Variants in SENP2 observed in about 807,000 individuals in gnomAD.
SENP2 encodes sentrin-specific protease 2.
In SENP2, 16 loss-of-function variants were observed where a neutral mutation model predicts 86.3. That is an observed-to-expected ratio of 0.19 (90% CI 0.13 to 0.28). The LOEUF is 0.28. SENP2 is among the 10% of genes least tolerant of loss of function. The pLI, the probability that SENP2 is intolerant of heterozygous loss-of-function variation, is 1.00. For missense variants in SENP2, 552 were observed against 703.0 expected, an observed-to-expected ratio of 0.79 and a Z score of 2.43; for synonymous variants, 222 against 238.7, an observed-to-expected ratio of 0.93 and a Z score of 0.64.
intron 8 of SENP2, 68 bp from the exon 9 acceptor site, chr3:185,612,539 G>A: frequency 8.7e-7 from 1 of 1,153,410 alleles, no homozygotes; most frequent in Non-Finnish European, 1.3e-6. Flanking sequence ...AACTCTGTAA[G>A]CTGAAATTCT....
At chr3:185,618,369 GC>G (rs1368902256) in intron 12 of SENP2, among the ~76,000 whole-genome samples, 2 of 152,156 alleles carry the variant, frequency 1.3e-5, no homozygotes, top group Non-Finnish European at 2.9e-5. Flanking sequence ...TTTAGCAAAA[GC>G]TAACTCTTAA....
At chr3:185,610,505 A>G (rs550374075) in intron 7 of SENP2, among the ~76,000 whole-genome samples, 6 of 152,292 alleles carry the variant, frequency 3.9e-5, no homozygotes, top group African/African-American at 1.4e-4. Context: ...TTGTTTGCGA[A>G]TAATCAGTTG....
intron 5 of SENP2, among the ~76,000 whole-genome samples, chr3:185,605,913 A>T (rs1389823337): frequency 6.6e-6 from 1 of 152,208 alleles, no homozygotes; most frequent in Non-Finnish European, 1.5e-5. Flanking sequence ...TGGTGAAAGG[A>T]TGTAATCTCT....
intron 12 of SENP2, among the ~76,000 whole-genome samples, chr3:185,617,944 T>G (rs1711683138): frequency 6.6e-6 from 1 of 152,108 alleles, no homozygotes; most frequent in Non-Finnish European, 1.5e-5. Flanking sequence ...TTTGTTTTTG[T>G]TTTTTGGTTT....
At chr3:185,617,404 T>G in intron 11 of SENP2, 76 bp from the exon 12 acceptor site, 1 of 1,345,384 alleles carries the variant, frequency 7.4e-7, no homozygotes, top group Non-Finnish European at 1.0e-6. Context: ...AAAACTTTTT[T>G]CAGTCTCGGA....
At chr3:185,604,245 A>G (rs1395744665) in intron 5 of SENP2, among the ~76,000 whole-genome samples, 1 of 152,190 alleles carries the variant, frequency 6.6e-6, no homozygotes, top group Admixed American at 6.5e-5. Flanking sequence ...GACTTTGCAG[A>G]TATCTGTTAT....
chr3:185,632,115 A>G lies in SENP2; in HGVS notation c.*2271A>G, dbSNP rs578257842. On this transcript the variant is annotated 3_prime_UTR_variant, in exon 17 of 17. Transcript: ENST00000296257. ...AAACATGTTAGTAATATAGTTTTTT[A>G]GATCCAAACAGTTTATTTGGATCTA... 11 of 151,944 alleles carry G rather than the reference A, an allele frequency of 7.2e-5. No homozygotes were observed. The highest frequency in any genetic ancestry group is 2.1e-4 in the South Asian group (1 of 4,810). 9.4% of individuals were successfully genotyped at this position (151,944 alleles called of 1,614,324 possible).
rs191186706 is a variant in SENP2 at position 185,628,239 on chromosome 3, C to T, written c.1708-1543C>T. 5.1e-3 allele frequency among the ~76,000 whole-genome samples: 769 copies of T among 151,936 alleles called. 4 individuals are homozygous for T. The highest frequency in any genetic ancestry group is 7.9e-3 in the Non-Finnish European group (534 of 67,982). On this transcript the variant is annotated intron_variant, in intron 16 of 16. Transcript: ENST00000296257. ...CTGCAACCTCCCTCTCAGGTTCAAG[C>T]GATTCTTCTGCCTCAGCCTCCCCAG...
rs1711542704 is a variant in SENP2, at chr3:185,614,753, G to A, written c.1110+13G>A. On this transcript the variant is annotated intron_variant, in intron 11 of 16. Coordinates refer to ENST00000296257, the MANE Select transcript of SENP2 (RefSeq NM_021627.3). ...TGAACTTACAGAGGTATTGTTCTTT[G>A]TATTGATCCTAAAAAGAGGCATGTC... The A allele has an allele frequency of 1.2e-6, 2 of 1,607,582 alleles. No homozygotes were observed. The highest frequency in any genetic ancestry group is 1.7e-6 in the Non-Finnish European group (2 of 1,177,716).
chr3:185,594,001 T>C (rs1378864463), intron 2 of SENP2, among the ~76,000 whole-genome samples: 1 of 152,172 alleles, frequency 6.6e-6, no homozygotes, highest in African/African-American at 2.4e-5. Context: ...GTGTTGGTAT[T>C]ACAGGCGTGA....
At chr3:185,627,083 CAAA>C (rs34406883) in intron 16 of SENP2, among the ~76,000 whole-genome samples, 4 of 75,538 alleles carry the variant, frequency 5.3e-5, no homozygotes, top group Admixed American at 3.2e-4. Flanking sequence ...AACCCTGTCT[CAAA>C]AAAAAAAAAA....
chr3:185,611,488 C>T (rs1382954423), intron 7 of SENP2, 163 bp from the exon 8 acceptor site: 5 of 511,492 alleles, frequency 9.8e-6, no homozygotes, highest in East Asian at 6.3e-5. Flanking sequence ...TGATTAGACT[C>T]CTTTTATCCT....
chr3:185,612,651 G>A lies in SENP2; in HGVS notation c.862G>A (p.Glu288Lys), dbSNP rs752268204. ...GGGACCTCTATGTTCATTGAGAAGT[G>A]AAAAGAGGTACGTACATTCAGTTCA... is the stretch of plus-strand genomic sequence containing the variant. Reference protein sequence around the residue: ...TRGPLCSLRSEKRCSKGKITD... With the variant: ...TRGPLCSLRSKKRCSKGKITD... The change falls in exon 9 of 17, where the codon GAA (glutamate) becomes AAA (lysine). Residue 288 changes from glutamate (E) to lysine (K), a missense_variant. Physicochemically the swap from Glu to Lys is moderately conservative, Grantham distance 56 (BLOSUM62 1). Around this residue, in one of 2 missense-constraint regions of SENP2, gnomAD observed 383 missense variants for 427.3 expected, o/e 0.90. Coordinates refer to ENST00000296257, the MANE Select transcript of SENP2 (RefSeq NM_021627.3). 5.6e-6 allele frequency: 9 copies of A among 1,603,938 alleles called. No homozygotes were observed. Among genetic ancestry groups the A allele is most frequent in the Middle Eastern group, 3.3e-4 (2 of 6,038 alleles).
At chr3:185,610,356 T>C (rs1478951241) in intron 7 of SENP2, among the ~76,000 whole-genome samples, 1 of 151,898 alleles carries the variant, frequency 6.6e-6, no homozygotes, top group African/African-American at 2.4e-5. Flanking sequence ...GAGATGGGGC[T>C]TCACCATGTT....
intron 7 of SENP2, 174 bp from the exon 8 acceptor site, chr3:185,611,477 A>G: frequency 2.2e-6 from 1 of 450,290 alleles, no homozygotes; most frequent in East Asian, 3.4e-5. Flanking sequence ...TATTAGAATC[A>G]TGATTAGACT....
At position 185,586,417 on chromosome 3, in the gene SENP2, T is replaced by C. The variant is rs1448380306; in HGVS notation, c.4T>C (p.Tyr2His). 5.6e-6 allele frequency: 9 copies of C among 1,613,898 alleles called. No homozygotes were observed. Among genetic ancestry groups the C allele is most frequent in the Non-Finnish European group, 7.6e-6 (9 of 1,180,012 alleles). The change falls in exon 1 of 17, where the codon TAC (tyrosine) becomes CAC (histidine). Residue 2 changes from tyrosine to histidine, a missense_variant. Physicochemically the swap from Tyr to His is moderately conservative, Grantham distance 83 (BLOSUM62 2). This residue lies in a region of SENP2 where 383 missense variants were observed against 427.3 expected (regional missense o/e 0.90). Transcript: ENST00000296257. The surrounding 1 kb of genome is among the most constrained non-coding windows in gnomAD (Gnocchi z 4.3). ...GCCGCTGCTGCTTGGGCCTGGTATG[T>C]ACAGATGGCTGGTTAGGATTCTCGG... M[Y>H]RWLVRILGTI...
intron 7 of SENP2, among the ~76,000 whole-genome samples, chr3:185,609,561 TC>T (rs940229823): frequency 3.3e-5 from 5 of 152,166 alleles, no homozygotes; most frequent in African/African-American, 1.2e-4. Context: ...GACCTTTTGT[TC>T]AAGTAAACTT....
At position 185,597,951 on chromosome 3, in the gene SENP2, A is replaced by T. The variant is rs539595914; in HGVS notation, c.158-461A>T. On this transcript the variant is annotated intron_variant, in intron 2 of 16. Coordinates refer to ENST00000296257, the MANE Select transcript of SENP2 (RefSeq NM_021627.3). ...TTACAGGCGTGAGCCACCACACCAG[A>T]CCTAGGAAAGGATTATATTGATAAA... Among the ~76,000 whole-genome samples, 30 of 151,500 alleles carry T rather than the reference A, an allele frequency of 2.0e-4. 1 individual carries two copies. The South Asian group carries it at 5.9e-3, about 30-fold the overall frequency.
intron 2 of SENP2, among the ~76,000 whole-genome samples, chr3:185,593,227 A>G (rs1038459880): frequency 3.3e-5 from 5 of 151,910 alleles, no homozygotes; most frequent in East Asian, 3.9e-4. Context: ...GAGCTCAGGG[A>G]AAAAAAATGG....
Sources: gnomAD v4.1 joint callset for allele counts (sites outside exome capture counted in the v4.1 genomes callset) on GRCh38, gnomAD v4.1.1 for gene constraint, gnomAD v4.1.1 regional missense constraint, Gnocchi (gnomAD v3.1) non-coding constraint, MANE v1.5 for transcripts, NCBI Gene and HGNC (gene_info 2026-07-23, HGNC 2026-07-21) for gene names.